Variants in PCDHB13 observed in about 807,000 individuals in gnomAD.
PCDHB13 encodes protocadherin beta 13.
For synonymous variants in PCDHB13, 515 were observed against 450.7 expected, an observed-to-expected ratio of 1.14 and a Z score of -1.81; for missense variants, 1,065 against 1,016.7, an observed-to-expected ratio of 1.05 and a Z score of -0.65.
chr5:141,215,591 C>T lies in PCDHB13; in HGVS notation c.1468C>T (p.Leu490=). The change falls in exon 1 of 1, where the codon CTG becomes TTG. Residue 490 remains leucine (L), a synonymous_variant. Coordinates refer to ENST00000341948, the MANE Select transcript of PCDHB13 (RefSeq NM_018933.4). ...CACCAACGCCCAGGTCACCTACTCG[C>T]TGCTGCCGCCCCAGGACCCGCACCT... ...SGTNAQVTYS[L]LPPQDPHLPL... The T allele has an allele frequency of 6.2e-7, 1 of 1,612,340 alleles. No homozygotes were observed. Among genetic ancestry groups the T allele is most frequent in the Non-Finnish European group, 8.5e-7 (1 of 1,179,994 alleles).
At position 141,216,771 on chromosome 5, in the gene PCDHB13, A is replaced by G; in HGVS notation, c.*251A>G. The G allele has an allele frequency of 3.7e-6, 2 of 546,920 alleles. No individual in the cohort carries two copies. The allele number at this position is 546,920 out of a possible 1,614,324, so 33.9% of individuals were successfully genotyped here. On this transcript the variant is annotated 3_prime_UTR_variant, in exon 1 of 1. Transcript: ENST00000341948. ...CCTCCCTAAAGAGCAATACCAAATC[A>G]CATTTTTTTCATGCCCCTATCTTTA...
chr5:141,218,007 C>G lies in PCDHB13; in HGVS notation c.*1487C>G, dbSNP rs1310953643. 1.4e-5 allele frequency: 2 copies of G among 144,518 alleles called. No homozygotes were observed. Among genetic ancestry groups the G allele is most frequent in the African/African-American group, 6.8e-5 (2 of 29,606 alleles). 9.0% of individuals were successfully genotyped at this position (144,518 alleles called of 1,614,324 possible). On this transcript the variant is annotated 3_prime_UTR_variant, in exon 1 of 1. Coordinates refer to ENST00000341948, the MANE Select transcript of PCDHB13 (RefSeq NM_018933.4). ...GGAGTGCAGTGGTGTGATCTCCACT[C>G]ACTGTGATCTCCACTCACTGCAACC...
In PCDHB13 at chr5:141,215,539, C is replaced by A; in HGVS notation, c.1416C>A (p.Ser472Arg). 6.2e-7 allele frequency: 1 copy of A among 1,613,828 alleles called. No homozygotes were observed. Reference protein sequence around the residue: ...ENNSPALHIRSVSATDRDSGT... With the variant: ...ENNSPALHIRRVSATDRDSGT... Reference sequence around the variant, plus strand: ...ACAGCCCCGCCCTGCACATCCGCAGCGTCAGCGCTACAGACAGAGACTCAG... The same window carrying A: ...ACAGCCCCGCCCTGCACATCCGCAGAGTCAGCGCTACAGACAGAGACTCAG... The change falls in exon 1 of 1, where the codon AGC (serine) becomes AGA (arginine). Residue 472 changes from serine to arginine, a missense_variant. Ser to Arg is a moderately radical substitution (Grantham distance 110). Transcript: ENST00000341948.
chr5:141,216,544 T>C lies in PCDHB13; in HGVS notation c.*24T>C, dbSNP rs377293863. 24 of 1,556,720 alleles carry C rather than the reference T, an allele frequency of 1.5e-5. No homozygotes were observed. Among genetic ancestry groups the C allele is most frequent in the Non-Finnish European group, 2.0e-5 (22 of 1,127,586 alleles). On this transcript the variant is annotated 3_prime_UTR_variant, in exon 1 of 1. Transcript: ENST00000341948. ...GACCATAGTTGACTTTTACATTCCA[T>C]AGGTATTTTATTTTGTGGCATTTCC... is the stretch of plus-strand genomic sequence containing the variant.
rs1417066543 is a variant in PCDHB13, at chr5:141,215,504, C to G, written c.1381C>G (p.Arg461Gly). ...CCAAACCTCCTACACCCTGTTCGTC[C>G]GCGAGAACAACAGCCCCGCCCTGCA... ...FTQTSYTLFV[R>G]ENNSPALHIR... The change falls in exon 1 of 1, where the codon CGC becomes GGC. Residue 461 changes from arginine (R) to glycine (G), a missense_variant. By Grantham distance (125) the Arg-to-Gly change is moderately radical. Transcript: ENST00000341948. 1.2e-6 allele frequency: 2 copies of G among 1,614,068 alleles called. No homozygotes were observed. Among genetic ancestry groups the G allele is most frequent in the South Asian group, 1.1e-5 (1 of 91,076 alleles).
rs1288530773 is a variant in PCDHB13 at position 141,218,150 on chromosome 5, T to A, written c.*1630T>A. 1 of 157,300 alleles carries A rather than the reference T, an allele frequency of 6.4e-6. No individual in the cohort carries two copies. The highest frequency in any genetic ancestry group is 2.4e-5 in the African/African-American group (1 of 41,378). The allele number at this position is 157,300 out of a possible 1,614,324, so 9.7% of individuals were successfully genotyped here. ...ATTTAGTAGAGACGAGGTTTCATCATATTGCCCAGACTGGTCTCGAATTCC... is the reference window on the plus strand; with the variant it reads ...ATTTAGTAGAGACGAGGTTTCATCAAATTGCCCAGACTGGTCTCGAATTCC... On this transcript the variant is annotated 3_prime_UTR_variant, in exon 1 of 1. Transcript: ENST00000341948.
At position 141,216,012 on chromosome 5, in the gene PCDHB13, T is replaced by C; in HGVS notation, c.1889T>C (p.Leu630Pro). The C allele has an allele frequency of 6.2e-7, 1 of 1,607,140 alleles. No individual in the cohort carries two copies. Among genetic ancestry groups the C allele is most frequent in the Non-Finnish European group, 8.5e-7 (1 of 1,179,560 alleles). ...HNGEVRTARLLSERDAAKHRL... is the reference protein window; with the variant it reads ...HNGEVRTARLPSERDAAKHRL... ...GGCGAGGTGCGCACCGCCAGGCTGC[T>C]GAGCGAGCGCGACGCGGCCAAGCAC... Residue 630 changes from leucine (L) to proline (P), a missense_variant, in exon 1 of 1, where the codon CTG (leucine) becomes CCG (proline). Leu to Pro is a moderately conservative substitution (Grantham distance 98, BLOSUM62 -3). Transcript: ENST00000341948.
rs1754638844 is a variant in PCDHB13, at chr5:141,217,238, A to T, written c.*718A>T. 6.0e-6 allele frequency: 1 copy of T among 166,528 alleles called. No individual in the cohort carries two copies. Among genetic ancestry groups the T allele is most frequent in the Admixed American group, 6.6e-5 (1 of 15,266 alleles). The allele number at this position is 166,528 out of a possible 1,614,324, so 10.3% of individuals were successfully genotyped here. ...GATGCCTGTGCCCAAATAATAATTC[A>T]TATAGCATAAATTGGAGTTGTGTGT... On this transcript the variant is annotated 3_prime_UTR_variant, in exon 1 of 1. Transcript: ENST00000341948.
At position 141,214,571 on chromosome 5, in the gene PCDHB13, G is replaced by C. The variant is rs782238137; in HGVS notation, c.448G>C (p.Gly150Arg). ...LVKVSESSPP[G>R]TTFPLKNAED... ...GAAAGTATCAGAGAGCAGTCCTCCTGGGACTACGTTTCCTCTGAAGAATGC... is the reference window on the plus strand; with the variant it reads ...GAAAGTATCAGAGAGCAGTCCTCCTCGGACTACGTTTCCTCTGAAGAATGC... The change falls in exon 1 of 1, where the codon GGG becomes CGG. Residue 150 changes from glycine (G) to arginine (R), a missense_variant. By Grantham distance (125) the Gly-to-Arg change is moderately radical. Transcript: ENST00000341948. 2 of 1,614,172 alleles carry C rather than the reference G, an allele frequency of 1.2e-6. No individual in the cohort carries two copies. The highest frequency in any genetic ancestry group is 2.2e-5 in the East Asian group (1 of 44,884).
In PCDHB13 at chr5:141,215,334, T is replaced by G. The variant is rs781947055; in HGVS notation, c.1211T>G (p.Leu404Arg). Residue 404 changes from leucine to arginine, a missense_variant, in exon 1 of 1, where the codon CTA (leucine) becomes CGA (arginine). Leu to Arg is a moderately radical substitution (Grantham distance 102, BLOSUM62 -2). Transcript: ENST00000341948. ...TCCGCGGAAAACTTTTACACCCTAC[T>G]AACGGAGAGACCACTAGACAGAGAA... ...LKSAENFYTL[L>R]TERPLDRESR... The G allele has an allele frequency of 6.2e-7, 1 of 1,614,134 alleles. No individual in the cohort carries two copies. Among genetic ancestry groups the G allele is most frequent in the South Asian group, 1.1e-5 (1 of 91,074 alleles).
In PCDHB13 at chr5:141,214,663, G is replaced by C; in HGVS notation, c.540G>C (p.Arg180=). ...TAATCAGCCCCAACTCCTATTTTCGGGTCCTCACCCGCAAACGCAGTGATG... is the reference window on the plus strand; with the variant it reads ...TAATCAGCCCCAACTCCTATTTTCGCGTCCTCACCCGCAAACGCAGTGATG... ...NYIISPNSYF[R]VLTRKRSDGR... The change falls in exon 1 of 1, where the codon CGG becomes CGC. Residue 180 remains arginine (R), a synonymous_variant. Transcript: ENST00000341948. The C allele has an allele frequency of 6.2e-7, 1 of 1,613,982 alleles. No homozygotes were observed. The highest frequency in any genetic ancestry group is 2.2e-5 in the East Asian group (1 of 44,856).
At position 141,215,686 on chromosome 5, in the gene PCDHB13, C is replaced by A. The variant is rs782223164; in HGVS notation, c.1563C>A (p.Tyr521Ter). ...TGTTCGCCCTCAGGTCTCTGGACTA[C>A]GAGGCCCTGCAGGGGTTCCAGTTCC... ...GHLFALRSLD[Y>*]EALQGFQFRV... is the part of the protein sequence containing the mutation. The change falls in exon 1 of 1, where the codon TAC (tyrosine) becomes TAA (stop). Residue 521 changes from tyrosine (Y) to a stop codon, truncating the protein, a stop_gained. Coordinates refer to ENST00000341948, the MANE Select transcript of PCDHB13 (RefSeq NM_018933.4). LOFTEE classifies it low-confidence loss of function (END_TRUNC). 1 of 1,613,062 alleles carries A rather than the reference C, an allele frequency of 6.2e-7. No individual in the cohort carries two copies. Among genetic ancestry groups the A allele is most frequent in the Non-Finnish European group, 8.5e-7 (1 of 1,179,934 alleles).
chr5:141,215,733 G>A lies in PCDHB13; in HGVS notation c.1610G>A (p.Gly537Asp). The change falls in exon 1 of 1, where the codon GGC (glycine) becomes GAC (aspartate). Residue 537 changes from glycine (G) to aspartate (D), a missense_variant. By Grantham distance (94) the Gly-to-Asp change is moderately conservative. Coordinates refer to ENST00000341948, the MANE Select transcript of PCDHB13 (RefSeq NM_018933.4). Reference sequence around the variant, plus strand: ...TTCCGCGTGGGCGCTTCAGACCACGGCTCCCCGGCGCTGAGCAGCGAGGCG... The same window carrying A: ...TTCCGCGTGGGCGCTTCAGACCACGACTCCCCGGCGCTGAGCAGCGAGGCG... Reference protein sequence around the residue: ...FQFRVGASDHGSPALSSEALV... With the variant: ...FQFRVGASDHDSPALSSEALV... 6.2e-7 allele frequency: 1 copy of A among 1,612,292 alleles called. No individual in the cohort carries two copies. Among genetic ancestry groups the A allele is most frequent in the Non-Finnish European group, 8.5e-7 (1 of 1,179,836 alleles).
Position 141,214,754 on chromosome 5 carries a change from T to C in PCDHB13, c.631T>C (p.Leu211=), listed in dbSNP as rs782465951. 2 of 1,613,920 alleles carry C rather than the reference T, an allele frequency of 1.2e-6. No homozygotes were observed. Among genetic ancestry groups the C allele is most frequent in the African/African-American group, 1.3e-5 (1 of 74,854 alleles). The part of the protein sequence containing the change: ...LDREEEAELR[L]TLTALDGGSP... ...CCGAGAGGAAGAAGCTGAGCTCAGG[T>C]TAACACTCACAGCACTGGATGGTGG... The change falls in exon 1 of 1, where the codon TTA becomes CTA. Residue 211 remains leucine, a synonymous_variant. Coordinates refer to ENST00000341948, the MANE Select transcript of PCDHB13 (RefSeq NM_018933.4).
In PCDHB13 at chr5:141,213,964, G is replaced by C; in HGVS notation, c.-160G>C. On this transcript the variant is annotated 5_prime_UTR_variant, in exon 1 of 1. Coordinates refer to ENST00000341948, the MANE Select transcript of PCDHB13 (RefSeq NM_018933.4). ...AAAGCAGCAGAACCTGGAAGTCCAC[G>C]GGGAGCTTGGATGCCAAAGGGAGGA... is the stretch of plus-strand genomic sequence containing the variant. 1.6e-6 allele frequency: 1 copy of C among 609,808 alleles called. No individual in the cohort carries two copies. The highest frequency in any genetic ancestry group is 3.0e-6 in the Non-Finnish European group (1 of 333,090). The allele number at this position is 609,808 out of a possible 1,614,324, so 37.8% of individuals were successfully genotyped here.
Position 141,216,021 on chromosome 5 carries a change from G to T in PCDHB13, c.1898G>T (p.Arg633Leu). 2 of 1,607,072 alleles carry T rather than the reference G, an allele frequency of 1.2e-6. No homozygotes were observed. The highest frequency in any genetic ancestry group is 8.5e-7 in the Non-Finnish European group (1 of 1,179,558). The change falls in exon 1 of 1, where the codon CGC becomes CTC. Residue 633 changes from arginine (R) to leucine (L), a missense_variant. Arg to Leu is a moderately radical substitution (Grantham distance 102). Coordinates refer to ENST00000341948, the MANE Select transcript of PCDHB13 (RefSeq NM_018933.4). Reference sequence around the variant, plus strand: ...CGCACCGCCAGGCTGCTGAGCGAGCGCGACGCGGCCAAGCACAGGCTGGTG... The same window carrying T: ...CGCACCGCCAGGCTGCTGAGCGAGCTCGACGCGGCCAAGCACAGGCTGGTG... ...EVRTARLLSE[R>L]DAAKHRLVVL...
rs1754580560 is a variant in PCDHB13 at position 141,215,628 on chromosome 5, C to T, written c.1505C>T (p.Ser502Phe). The change falls in exon 1 of 1, where the codon TCC becomes TTC. Residue 502 changes from serine to phenylalanine, a missense_variant. Transcript: ENST00000341948. The part of the protein sequence containing the change: ...PPQDPHLPLT[S>F]LVSINADNGH... ...CAGGACCCGCACCTGCCCCTCACAT[C>T]CCTGGTCTCCATCAACGCGGACAAC... is the stretch of plus-strand genomic sequence containing the variant. 1.2e-6 allele frequency: 2 copies of T among 1,613,518 alleles called. No individual in the cohort carries two copies. Among genetic ancestry groups the T allele is most frequent in the Non-Finnish European group, 1.7e-6 (2 of 1,180,038 alleles).
rs1481266012 is a variant in PCDHB13, at chr5:141,213,948, G to C, written c.-176G>C. 1.3e-5 allele frequency: 8 copies of C among 606,630 alleles called. No individual in the cohort carries two copies. In the East Asian group the frequency reaches 2.2e-4, roughly 17 times the overall value. 37.6% of individuals were successfully genotyped at this position (606,630 alleles called of 1,614,324 possible). A position where few individuals can be genotyped will look rare whatever the true frequency, so the allele number is the denominator to read the frequency against. ...CTCCATTAACCGGCAAAAAGCAGCA[G>C]AACCTGGAAGTCCACGGGGAGCTTG... On this transcript the variant is annotated 5_prime_UTR_variant, in exon 1 of 1. Transcript: ENST00000341948.
In PCDHB13 at chr5:141,214,819, A is replaced by G. The variant is rs559145160; in HGVS notation, c.696A>G (p.Glu232=). The G allele has an allele frequency of 2.4e-5, 38 of 1,614,230 alleles. No homozygotes were observed. Among genetic ancestry groups the G allele is most frequent in the South Asian group, 6.6e-5 (6 of 91,086 alleles). Residue 232 remains glutamate (E), a synonymous_variant, in exon 1 of 1, where the codon GAA becomes GAG. Transcript: ENST00000341948. ...CTGGCACTGCTCAGGTCTACATCGA[A>G]GTCCTGGATGTCAACGATAATGCCC... ...PRSGTAQVYI[E]VLDVNDNAPE...
Sources: gnomAD v4.1 joint callset for allele counts on GRCh38, gnomAD v4.1.1 for gene constraint, MANE v1.5 for transcripts, NCBI Gene and HGNC (gene_info 2026-07-23, HGNC 2026-07-21) for gene names.